The following PTPRT variants were observed in gnomAD, a reference collection of about 807,000 sequenced individuals.
The protein encoded by PTPRT is protein tyrosine phosphatase receptor type T, also known as receptor-type tyrosine-protein phosphatase T.
PTPRT carries 56 observed loss-of-function variants against 176.8 expected under a neutral mutation model. That is an observed-to-expected ratio of 0.32 (90% confidence interval 0.26 to 0.40). The LOEUF is 0.40. PTPRT is among the 10% of genes least tolerant of loss of function. The pLI, the probability that PTPRT is intolerant of heterozygous loss-of-function variation, is 1.00. For missense variants in PTPRT, 1,540 were observed against 1,908.2 expected, an observed-to-expected ratio of 0.81 and a Z score of 3.60; for synonymous variants, 783 against 739.0, an observed-to-expected ratio of 1.06 and a Z score of -0.96.
chr20:43,074,463 G>A lies in PTPRT; in HGVS notation c.88+115183C>T, dbSNP rs555371415. On this transcript the variant is annotated intron_variant, in intron 1 of 30. Coordinates refer to ENST00000373187, the MANE Select transcript of PTPRT (RefSeq NM_007050.6). Reference sequence around the variant, plus strand: ...CTTCCATATGTCCATCATTTAATTCGACTCTGCAGGATGGAAAGTAACATT... The same window carrying A: ...CTTCCATATGTCCATCATTTAATTCAACTCTGCAGGATGGAAAGTAACATT... Among the ~76,000 whole-genome samples, 8 of 152,168 alleles carry A rather than the reference G, an allele frequency of 5.3e-5. No homozygotes were observed. In the South Asian group the frequency reaches 1.7e-3, roughly 32 times the overall value.
intron 2 of PTPRT, among the ~76,000 whole-genome samples, chr20:42,876,326 T>C (rs1417585077): frequency 6.6e-6 from 1 of 152,188 alleles, no homozygotes; most frequent in Admixed American, 6.5e-5. Flanking sequence ...TACTTCCATA[T>C]GATTTTATTG....
chr20:43,183,428 G>A (rs183497851), intron 1 of PTPRT, among the ~76,000 whole-genome samples: 1 of 152,290 alleles, frequency 6.6e-6, no homozygotes, highest in Non-Finnish European at 1.5e-5. Context: ...GAGCACTGAA[G>A]TAACTTATCA....
chr20:42,123,068 T>C (rs1217565418), intron 19 of PTPRT, among the ~76,000 whole-genome samples: 2 of 152,182 alleles, frequency 1.3e-5, no homozygotes, highest in East Asian at 3.9e-4. Flanking sequence ...ACATGGGACA[T>C]GCCACCCAGA....
intron 7 of PTPRT, among the ~76,000 whole-genome samples, chr20:42,635,899 T>C (rs1466595341): frequency 1.3e-5 from 2 of 152,234 alleles, no homozygotes; most frequent in East Asian, 3.9e-4. Context: ...GTGTCCACAT[T>C]GGAATCTTAA....
At chr20:42,442,861 A>T (rs1030140664) in intron 9 of PTPRT, among the ~76,000 whole-genome samples, 1 of 152,018 alleles carries the variant, frequency 6.6e-6, no homozygotes, top group Admixed American at 6.6e-5. Context: ...TCCCTTGGTG[A>T]CCTCATTCTG....
chr20:42,487,902 A>G (rs1295139206), intron 7 of PTPRT, among the ~76,000 whole-genome samples: 1 of 152,224 alleles, frequency 6.6e-6, no homozygotes, highest in African/African-American at 2.4e-5. Flanking sequence ...TTCCTTCTGT[A>G]GACCCATTAT....
chr20:42,066,573 T>G, the PTPRT span, among the ~76,000 whole-genome samples: 1 of 152,226 alleles, frequency 6.6e-6, no homozygotes, highest in Non-Finnish European at 1.5e-5. Flanking sequence ...ATAATAACTA[T>G]TTTTTAATTT....
At chr20:42,271,434 C>A (rs376715764) in intron 13 of PTPRT, among the ~76,000 whole-genome samples, 2 of 152,166 alleles carry the variant, frequency 1.3e-5, no homozygotes, top group African/African-American at 2.4e-5. Context: ...TCCCATAACA[C>A]CCTCATCTTC....
intron 15 of PTPRT, among the ~76,000 whole-genome samples, chr20:42,235,248 T>C (rs928215178): frequency 6.7e-6 from 1 of 148,484 alleles, no homozygotes; most frequent in Non-Finnish European, 1.5e-5. Flanking sequence ...GTTGTTGTTG[T>C]TATTTATTAT....
intron 21 of PTPRT, 60 bp from the exon 22 acceptor site, chr20:42,115,375 T>C: frequency 7.9e-7 from 1 of 1,263,378 alleles, no homozygotes; most frequent in South Asian, 1.2e-5. Context: ...CATAAGCACA[T>C]GGCTGAGTGT....
At chr20:42,284,655 C>T (rs17316371) in intron 12 of PTPRT, among the ~76,000 whole-genome samples, 13,187 of 151,910 alleles carry the variant, frequency 0.087, 719 homozygotes, top group Non-Finnish European at 0.12. Context: ...GTTCAAATTC[C>T]TTTTAGACAC....
At chr20:42,497,779 C>T (rs1267554943) in intron 7 of PTPRT, among the ~76,000 whole-genome samples, 1 of 152,096 alleles carries the variant, frequency 6.6e-6, no homozygotes, top group South Asian at 2.1e-4. Context: ...CACATAAGAG[C>T]CGCATTCTCA....
At chr20:43,001,736 G>C (rs964515831) in intron 1 of PTPRT, among the ~76,000 whole-genome samples, 1 of 152,108 alleles carries the variant, frequency 6.6e-6, no homozygotes, top group African/African-American at 2.4e-5. Context: ...TTCAACAAGA[G>C]AAATAGTATT....
intron 14 of PTPRT, among the ~76,000 whole-genome samples, chr20:42,239,740 C>T (rs898450722): frequency 1.3e-5 from 2 of 152,080 alleles, no homozygotes; most frequent in East Asian, 1.9e-4. Flanking sequence ...ATGTTCTTGA[C>T]CTCAAGCCTG....
chr20:42,098,656 T>C, intron 26 of PTPRT, 104 bp from the exon 27 acceptor site: 1 of 1,456,022 alleles, frequency 6.9e-7, no homozygotes, highest in Non-Finnish European at 9.3e-7. Context: ...GCCTGCCAAA[T>C]AGATTATACA....
At chr20:43,002,493 C>T (rs1984633191) in intron 1 of PTPRT, among the ~76,000 whole-genome samples, 1 of 152,024 alleles carries the variant, frequency 6.6e-6, no homozygotes, top group Non-Finnish European at 1.5e-5. Context: ...AATTAAACAA[C>T]CAAGAAAACA....
rs576888264 is a variant in PTPRT at position 42,668,508 on chromosome 20, T to C, written c.1153+9358A>G. On this transcript the variant is annotated intron_variant, in intron 7 of 30. Coordinates refer to ENST00000373187, the MANE Select transcript of PTPRT (RefSeq NM_007050.6). ...TCATGGGTTAGGGGAAGTGAGTCTC[T>C]GGGATTATGAATTATAGGTTTAAAG... 6.6e-5 allele frequency among the ~76,000 whole-genome samples: 10 copies of C among 152,204 alleles called. No homozygotes were observed. The South Asian group carries it at 2.1e-3, about 32-fold the overall frequency.
chr20:43,106,666 G>GAAAAAAAAAAAA (rs71193676), intron 1 of PTPRT, among the ~76,000 whole-genome samples: 3 of 87,000 alleles, frequency 3.4e-5, no homozygotes, highest in Non-Finnish European at 6.0e-5. Context: ...CTCAAAAAAA[G>GAAAAAAAAAAAA]AAAAAAAAAA....
intron 2 of PTPRT, among the ~76,000 whole-genome samples, chr20:42,801,866 A>G (rs985892116): frequency 5.3e-5 from 8 of 152,182 alleles, no homozygotes; most frequent in Admixed American, 1.3e-4. Flanking sequence ...GCTAAAAGAA[A>G]TTGCAGACAG....
Sources: allele counts gnomAD v4.1 joint callset (sites outside exome capture counted in the v4.1 genomes callset), GRCh38; gene constraint gnomAD v4.1.1; transcripts MANE v1.5; gene names NCBI Gene and HGNC (gene_info 2026-07-23, HGNC 2026-07-21).